The following PDE1A variants were observed in gnomAD, a reference collection of about 807,000 sequenced individuals.
The protein encoded by PDE1A is dual specificity calcium/calmodulin-dependent 3',5'-cyclic nucleotide phosphodiesterase 1A.
PDE1A carries 35 observed loss-of-function variants against 61.7 expected under a neutral mutation model. The observed-to-expected ratio is 0.57, with a 90% CI of 0.43 to 0.75. PDE1A has a LOEUF of 0.75. Ranked by LOEUF, PDE1A falls within the 30% of genes least tolerant of loss-of-function variation. The probability of loss-of-function intolerance (pLI) is 0.00; values close to 1 mark genes in which losing one functional copy is unlikely to be tolerated. For missense variants in PDE1A, 597 were observed against 630.6 expected, an observed-to-expected ratio of 0.95 and a Z score of 0.57; for synonymous variants, 232 against 213.2, an observed-to-expected ratio of 1.09 and a Z score of -0.77.
chr2:182,485,684 TA>T (rs1034007139), intron 2 of PDE1A, among the ~76,000 whole-genome samples: 116 of 152,098 alleles, frequency 7.6e-4, no homozygotes, highest in African/African-American at 2.8e-3. Flanking sequence ...GAGACAAGTT[TA>T]AAATATAAAA....
intron 1 of PDE1A, among the ~76,000 whole-genome samples, chr2:182,396,371 T>C (rs1208375330): frequency 1.3e-5 from 2 of 152,230 alleles, no homozygotes; most frequent in Non-Finnish European, 2.9e-5. Flanking sequence ...TGCAATTATA[T>C]ACTATTTCAT....
At chr2:182,550,914 A>T in the PDE1A span, among the ~76,000 whole-genome samples, 1 of 152,150 alleles carries the variant, frequency 6.6e-6, no homozygotes, top group Non-Finnish European at 1.5e-5. Flanking sequence ...TTCTGTTCAC[A>T]TTCCTTTAAC....
At chr2:182,608,283 T>C in the PDE1A span, among the ~76,000 whole-genome samples, 1 of 152,256 alleles carries the variant, frequency 6.6e-6, no homozygotes, top group African/African-American at 2.4e-5. Context: ...AAAGAAATTA[T>C]CTGACCTACC....
intron 8 of PDE1A, among the ~76,000 whole-genome samples, chr2:182,203,700 ATTAC>A (rs1686863801): frequency 6.6e-6 from 1 of 152,074 alleles, no homozygotes; most frequent in South Asian, 2.1e-4. Context: ...ATAAGAAAAC[ATTAC>A]TTAATTTATA....
chr2:182,157,109 G>T (rs1290011272), intron 13 of PDE1A, among the ~76,000 whole-genome samples: 1 of 151,254 alleles, frequency 6.6e-6, no homozygotes, highest in Non-Finnish European at 1.5e-5. Context: ...CCAGCTCCTG[G>T]GTTCAATCGA....
At chr2:182,228,060 A>G (rs1204137518) in intron 6 of PDE1A, among the ~76,000 whole-genome samples, 1 of 152,170 alleles carries the variant, frequency 6.6e-6, no homozygotes, top group African/African-American at 2.4e-5. Context: ...TCCATGTTCA[A>G]AGAGACATTT....
the PDE1A span, among the ~76,000 whole-genome samples, chr2:182,547,611 A>C: frequency 6.6e-6 from 1 of 152,228 alleles, no homozygotes; most frequent in Non-Finnish European, 1.5e-5. Context: ...TTCATATTGC[A>C]TAGGAAGTGT....
chr2:182,338,557 T>C (rs1462014571), intron 1 of PDE1A, among the ~76,000 whole-genome samples: 2 of 152,148 alleles, frequency 1.3e-5, no homozygotes, highest in Admixed American at 1.3e-4. Context: ...CAGTGTCTCA[T>C]TCTGCCATCC....
chr2:182,672,330 T>C, the PDE1A span, among the ~76,000 whole-genome samples: 1 of 152,202 alleles, frequency 6.6e-6, no homozygotes, highest in South Asian at 2.1e-4. Flanking sequence ...ATAGTGTTAC[T>C]TTACCATTAC....
chr2:182,696,307 T>C, the PDE1A span, among the ~76,000 whole-genome samples: 1 of 152,296 alleles, frequency 6.6e-6, no homozygotes. Context: ...TATCAAGCCA[T>C]GAAAAGACAT....
chr2:182,573,994 C>CAT, the PDE1A span, among the ~76,000 whole-genome samples: 30 of 143,192 alleles, frequency 2.1e-4, no homozygotes, highest in South Asian at 4.0e-3. Context: ...CACACACAAA[C>CAT]ATATATATAT....
intron 1 of PDE1A, among the ~76,000 whole-genome samples, chr2:182,415,688 T>C (rs1450105337): frequency 6.6e-6 from 1 of 152,200 alleles, no homozygotes; most frequent in Non-Finnish European, 1.5e-5. Flanking sequence ...CTAGTAAGTG[T>C]ATCATATGTG....
At chr2:182,265,832 C>A (rs1460013021) in intron 1 of PDE1A, among the ~76,000 whole-genome samples, 3 of 152,110 alleles carry the variant, frequency 2.0e-5, no homozygotes, top group Non-Finnish European at 4.4e-5. Context: ...GTCTATTTTC[C>A]TAAGTCATCA....
At chr2:182,527,189 G>C (rs1018891138), upstream of PDE1A, among the ~76,000 whole-genome samples, 1 of 148,632 alleles carries the variant, frequency 6.7e-6, no homozygotes, top group African/African-American at 2.5e-5. Flanking sequence ...TGAAGAGGCT[G>C]GGAGCCATGA....
chr2:182,482,264 G>A (rs1364815233), intron 2 of PDE1A, among the ~76,000 whole-genome samples: 1 of 151,856 alleles, frequency 6.6e-6, no homozygotes, highest in African/African-American at 2.4e-5. Flanking sequence ...TTATCACCTA[G>A]TTTTTAAACT....
At chr2:182,262,230 C>T (rs79047824) in intron 2 of PDE1A, among the ~76,000 whole-genome samples, 7 of 144,210 alleles carry the variant, frequency 4.9e-5, no homozygotes, top group Admixed American at 7.0e-5. Flanking sequence ...TTTTCTTTCT[C>T]TCTTTCTTTC....
chr2:182,353,867 T>G (rs925076267), intron 1 of PDE1A, among the ~76,000 whole-genome samples: 1 of 152,152 alleles, frequency 6.6e-6, no homozygotes, highest in South Asian at 2.1e-4. Context: ...TTAATAAATC[T>G]AATTATATGG....
At chr2:182,408,382 A>C (rs1156488910) in intron 1 of PDE1A, among the ~76,000 whole-genome samples, 1 of 152,182 alleles carries the variant, frequency 6.6e-6, no homozygotes. Flanking sequence ...TCAGAGCTTC[A>C]CTTTTAATTT....
intron 13 of PDE1A, among the ~76,000 whole-genome samples, chr2:182,182,923 T>C (rs779813195): frequency 8.5e-5 from 13 of 152,326 alleles, no homozygotes; most frequent in Non-Finnish European, 1.5e-4. Context: ...CCAATTTCCA[T>C]AGTAATTAGA....
Sources: allele counts gnomAD v4.1 joint callset (sites outside exome capture counted in the v4.1 genomes callset), GRCh38; gene constraint gnomAD v4.1.1; transcripts MANE v1.5; gene names NCBI Gene and HGNC (gene_info 2026-07-23, HGNC 2026-07-21).